PRIM2: variants seen among roughly 807,000 people sequenced by gnomAD.
PRIM2 encodes the protein DNA primase large subunit.
A neutral mutation model predicts 67.3 loss-of-function variants in PRIM2; 39 were observed. The observed-to-expected ratio is 0.58, with a 90% CI of 0.45 to 0.76. The LOEUF is 0.76. Ranked by LOEUF, PRIM2 falls within the 30% of genes least tolerant of loss-of-function variation. The pLI, the probability that PRIM2 is intolerant of heterozygous loss-of-function variation, is 0.00. For missense variants in PRIM2, 398 were observed against 598.7 expected, an observed-to-expected ratio of 0.66 and a Z score of 3.50; for synonymous variants, 143 against 198.7, an observed-to-expected ratio of 0.72 and a Z score of 2.36.
At chr6:57,406,122 C>T (rs1365096001) in intron 7 of PRIM2, among the ~76,000 whole-genome samples, 1 of 152,152 alleles carries the variant, frequency 6.6e-6, no homozygotes, top group Non-Finnish European at 1.5e-5. Context: ...TTGCAAGGCT[C>T]TCTCTTAGAT....
rs143198870 is a variant in PRIM2 at position 57,402,881 on chromosome 6, C to T, written c.693+20713C>T. ...ATATTAGTAATTTCTTTCCCCACCT[C>T]AGTAGTTCCTCTTGCACATATCCAG... On this transcript the variant is annotated intron_variant, in intron 7 of 13. Transcript: ENST00000615550. Among the ~76,000 whole-genome samples, 1,456 of 152,112 alleles carry T rather than the reference C, an allele frequency of 9.6e-3. 10 individuals are homozygous for T. The highest frequency in any genetic ancestry group is 0.015 in the Non-Finnish European group (1,006 of 67,994).
At chr6:57,547,710 G>T (rs1201820118) in intron 10 of PRIM2, among the ~76,000 whole-genome samples, 6 of 152,148 alleles carry the variant, frequency 3.9e-5, no homozygotes, top group African/African-American at 1.4e-4. Context: ...CACATTTTCT[G>T]TAGCTGTGGT....
chr6:57,637,941 A>G (rs1392538454), intron 13 of PRIM2, among the ~76,000 whole-genome samples: 2 of 152,178 alleles, frequency 1.3e-5, no homozygotes, highest in Admixed American at 6.5e-5. Flanking sequence ...CCCAAGACAC[A>G]TAATTGTCAG....
chr6:57,463,536 A>G (rs1773080349), intron 7 of PRIM2, among the ~76,000 whole-genome samples: 1 of 152,170 alleles, frequency 6.6e-6, no homozygotes, highest in African/African-American at 2.4e-5. Flanking sequence ...TGGCTAGATA[A>G]TATCTCTGGT....
chr6:57,261,993 G>A, the PRIM2 span, among the ~76,000 whole-genome samples: 12 of 152,154 alleles, frequency 7.9e-5, no homozygotes, highest in Non-Finnish European at 1.6e-4. Flanking sequence ...TGAACAATTT[G>A]GCTTGAGTTC....
chr6:57,393,378 G>A (rs1770421794), intron 7 of PRIM2, among the ~76,000 whole-genome samples: 1 of 151,982 alleles, frequency 6.6e-6, no homozygotes, highest in African/African-American at 2.4e-5. Flanking sequence ...TTGCAATGTA[G>A]TTTTAATTTG....
chr6:57,536,235 G>T (rs1210383967), intron 9 of PRIM2, among the ~76,000 whole-genome samples: 3 of 152,250 alleles, frequency 2.0e-5, no homozygotes, highest in Non-Finnish European at 1.5e-5. Flanking sequence ...TAAGGCATAT[G>T]TGAGGGAGTA....
intron 5 of PRIM2, among the ~76,000 whole-genome samples, chr6:57,336,209 T>C (rs981737967): frequency 6.6e-6 from 1 of 152,018 alleles, no homozygotes; most frequent in Non-Finnish European, 1.5e-5. Context: ...TGGGACTATG[T>C]GAAAAGACCA....
At chr6:57,318,410 T>C in intron 1 of PRIM2, 27 bp from the exon 2 acceptor site, 1 of 1,552,980 alleles carries the variant, frequency 6.4e-7, no homozygotes, top group Non-Finnish European at 8.7e-7. Context: ...TCCATCATTT[T>C]ACGCTTTTTG....
At chr6:57,433,922 C>G (rs1196229840) in intron 7 of PRIM2, among the ~76,000 whole-genome samples, 8 of 123,420 alleles carry the variant, frequency 6.5e-5, no homozygotes, top group Non-Finnish European at 1.2e-4. Context: ...TCTCTGTTCC[C>G]TGTTTTTTTT....
At chr6:57,321,273 A>G (rs535085236) in intron 3 of PRIM2, among the ~76,000 whole-genome samples, 2 of 152,274 alleles carry the variant, frequency 1.3e-5, no homozygotes, top group South Asian at 4.1e-4. Context: ...TGGTGGTAAT[A>G]TTTTGAGATG....
chr6:57,329,410 T>C (rs1180387145), intron 5 of PRIM2, among the ~76,000 whole-genome samples: 2 of 152,214 alleles, frequency 1.3e-5, no homozygotes, highest in African/African-American at 2.4e-5. Context: ...TCTTTCCTCA[T>C]TGAATTGTCT....
chr6:57,480,206 A>C (rs1773580591), intron 7 of PRIM2, among the ~76,000 whole-genome samples: 2 of 152,202 alleles, frequency 1.3e-5, no homozygotes, highest in African/African-American at 4.8e-5. Context: ...GTCTGAGTAC[A>C]TTTCTATTTA....
chr6:57,494,179 A>C (rs1773955242), intron 7 of PRIM2, among the ~76,000 whole-genome samples: 2 of 152,190 alleles, frequency 1.3e-5, no homozygotes, highest in Admixed American at 6.5e-5. Context: ...GGTACAGATA[A>C]TAGTATGTCA....
intron 7 of PRIM2, among the ~76,000 whole-genome samples, chr6:57,415,388 T>G (rs1463570320): frequency 6.6e-6 from 1 of 152,232 alleles, no homozygotes. Context: ...GTAAAACTTA[T>G]GTTTACAATA....
At chr6:57,231,571 T>G in the PRIM2 span, among the ~76,000 whole-genome samples, 1 of 152,164 alleles carries the variant, frequency 6.6e-6, no homozygotes, top group African/African-American at 2.4e-5. Context: ...TTGACATGAG[T>G]ATATTTAATA....
intron 7 of PRIM2, among the ~76,000 whole-genome samples, chr6:57,429,383 G>C (rs13201340): frequency 6.6e-6 from 1 of 152,106 alleles, no homozygotes; most frequent in Non-Finnish European, 1.5e-5. Flanking sequence ...TTGAGAATGG[G>C]GGATTTTCAG....
chr6:57,250,520 GA>G, the PRIM2 span, among the ~76,000 whole-genome samples: 1 of 152,172 alleles, frequency 6.6e-6, no homozygotes, highest in Non-Finnish European at 1.5e-5. Flanking sequence ...CGGGGGGTAT[GA>G]AAAACATGAT....
At chr6:57,476,828 A>G (rs1581941904) in intron 7 of PRIM2, among the ~76,000 whole-genome samples, 1 of 151,688 alleles carries the variant, frequency 6.6e-6, no homozygotes, top group Non-Finnish European at 1.5e-5. Context: ...GCTCACTGCA[A>G]CCTCCGCCTT....
Sources: allele counts gnomAD v4.1 joint callset (sites outside exome capture counted in the v4.1 genomes callset), GRCh38; gene constraint gnomAD v4.1.1; transcripts MANE v1.5; gene names NCBI Gene and HGNC (gene_info 2026-07-23, HGNC 2026-07-21).